MLIP: variants seen among roughly 807,000 people sequenced by gnomAD.
MLIP encodes muscular LMNA-interacting protein.
MLIP carries 79 observed loss-of-function variants against 84.8 expected under a neutral mutation model. That is an observed-to-expected ratio of 0.93 (90% CI 0.78 to 1.12). The LOEUF is 1.12. Among genes scored for constraint, MLIP ranks in the 50% most tolerant of loss-of-function variants. The probability of loss-of-function intolerance (pLI) is 0.00; values close to 1 mark genes in which losing one functional copy is unlikely to be tolerated. For synonymous variants in MLIP, 504 were observed against 463.0 expected (o/e 1.09, Z -1.14); for missense variants, 1,257 against 1,160.6 (o/e 1.08, Z -1.21).
chr6:54,157,654 C>T (rs781303033), intron 5 of MLIP, among the ~76,000 whole-genome samples: 3 of 152,152 alleles, frequency 2.0e-5, no homozygotes, highest in South Asian at 2.1e-4. Context: ...AGTTATGTAA[C>T]CTTCTATCCC....
At chr6:54,059,520 G>C (rs1305421659) in intron 1 of MLIP, among the ~76,000 whole-genome samples, 1 of 152,106 alleles carries the variant, frequency 6.6e-6, no homozygotes, top group Non-Finnish European at 1.5e-5. Context: ...ATTAAAATTT[G>C]ATGACAATTC....
chr6:54,218,295 T>C (rs994802195), intron 11 of MLIP, among the ~76,000 whole-genome samples: 1 of 152,162 alleles, frequency 6.6e-6, no homozygotes, highest in Admixed American at 6.5e-5. Context: ...CTGGAAGCAA[T>C]TGTAACACAA....
At chr6:54,083,023 G>T (rs921731278) in intron 1 of MLIP, among the ~76,000 whole-genome samples, 2 of 152,036 alleles carry the variant, frequency 1.3e-5, no homozygotes, top group African/African-American at 4.8e-5. Context: ...AACAGAAATA[G>T]AATTTTTCAT....
chr6:54,055,207 G>T (rs1765593865), intron 1 of MLIP, among the ~76,000 whole-genome samples: 1 of 151,982 alleles, frequency 6.6e-6, no homozygotes, highest in Admixed American at 6.6e-5. Context: ...TTTTTTATAT[G>T]TCTGTTTCCT....
At chr6:54,037,900 T>C (rs998380744) in intron 1 of MLIP, among the ~76,000 whole-genome samples, 1 of 152,006 alleles carries the variant, frequency 6.6e-6, no homozygotes, top group Non-Finnish European at 1.5e-5. Flanking sequence ...CTGAAATTTG[T>C]TAGTGTATTG....
At chr6:54,265,843 A>ATTT in intron 13 of MLIP, 107 bp from the exon 14 acceptor site, 1 of 1,045,428 alleles carries the variant, frequency 9.6e-7, no homozygotes, top group Non-Finnish European at 1.4e-6. Context: ...AGTATAAACC[A>ATTT]TTTTTTTGTA....
chr6:54,137,110 T>C lies in MLIP; in HGVS notation c.1041T>C (p.Ser347=), dbSNP rs1398072734. The C allele has an allele frequency of 6.5e-7, 1 of 1,536,018 alleles. No individual in the cohort carries two copies. The highest frequency in any genetic ancestry group is 1.2e-5 in the South Asian group (1 of 84,052). ...LSHGESPRTS[S]SPPSSSASLK... Reference sequence around the variant, plus strand: ...ACGGAGAAAGTCCGAGAACCTCTTCTTCTCCACCGTCCTCCAGTGCTTCTC... The same window carrying C: ...ACGGAGAAAGTCCGAGAACCTCTTCCTCTCCACCGTCCTCCAGTGCTTCTC... The change falls in exon 4 of 14, where the codon TCT becomes TCC. Residue 347 remains serine (S), a synonymous_variant. Transcript: ENST00000502396.
chr6:54,019,191 T>C (rs1249229765), intron 1 of MLIP: 2 of 1,209,172 alleles, frequency 1.7e-6, no homozygotes, highest in Non-Finnish European at 2.4e-6. Flanking sequence ...CGGCCTCTGT[T>C]TCCATGTTTT....
At chr6:54,041,757 G>A (rs190379357) in intron 1 of MLIP, among the ~76,000 whole-genome samples, 59 of 152,062 alleles carry the variant, frequency 3.9e-4, no homozygotes, top group African/African-American at 1.4e-3. Flanking sequence ...TTTGTCATTG[G>A]CAAAGTATTT....
chr6:54,148,207 G>A (rs573843385), intron 4 of MLIP, among the ~76,000 whole-genome samples: 8 of 152,232 alleles, frequency 5.3e-5, no homozygotes, highest in Admixed American at 4.6e-4. Flanking sequence ...CCTGAGACAA[G>A]GGCATCTGAA....
intron 12 of MLIP, among the ~76,000 whole-genome samples, chr6:54,235,063 G>A (rs749956506): frequency 6.6e-6 from 1 of 152,048 alleles, no homozygotes; most frequent in South Asian, 2.1e-4. Flanking sequence ...GTTCTGCACT[G>A]GCTTTTCTAC....
chr6:54,139,213 A>G (rs1772087668), intron 4 of MLIP, among the ~76,000 whole-genome samples: 2 of 152,220 alleles, frequency 1.3e-5, no homozygotes, highest in South Asian at 4.1e-4. Flanking sequence ...AGAAAAAAAT[A>G]TACACAATTT....
chr6:54,080,983 T>C (rs374306643), intron 1 of MLIP, among the ~76,000 whole-genome samples: 2 of 152,144 alleles, frequency 1.3e-5, no homozygotes, highest in Non-Finnish European at 2.9e-5. Flanking sequence ...CACAGAATTT[T>C]TTTCATGAAC....
intron 10 of MLIP, among the ~76,000 whole-genome samples, chr6:54,195,331 C>T (rs1266354915): frequency 6.6e-6 from 1 of 151,918 alleles, no homozygotes; most frequent in Non-Finnish European, 1.5e-5. Context: ...AAGCTGGCAC[C>T]CTGTCCTTTA....
At chr6:54,096,572 G>A (rs552413984) in intron 1 of MLIP, among the ~76,000 whole-genome samples, 9 of 152,206 alleles carry the variant, frequency 5.9e-5, no homozygotes, top group Non-Finnish European at 8.8e-5. Flanking sequence ...TATGGGAAGC[G>A]CTTATGGGCA....
intron 3 of MLIP, among the ~76,000 whole-genome samples, chr6:54,131,209 A>G (rs1355481408): frequency 6.6e-6 from 1 of 152,160 alleles, no homozygotes; most frequent in Non-Finnish European, 1.5e-5. Context: ...TGTCTGAGCC[A>G]TGTTCTTTGC....
chr6:54,120,649 A>G lies in MLIP; in HGVS notation c.97-798A>G, dbSNP rs759760939. Among the ~76,000 whole-genome samples, 177 of 152,140 alleles carry G rather than the reference A, an allele frequency of 1.2e-3. 1 individual carries two copies. The highest frequency in any genetic ancestry group is 3.5e-4 in the Non-Finnish European group (24 of 68,032). ...AAAGTCCAAGCTTGATACACTCTCC[A>G]CTGCTGCTACTTTCCATGCTTTCAC... On this transcript the variant is annotated intron_variant, in intron 1 of 13. Coordinates refer to ENST00000502396, the MANE Select transcript of MLIP (RefSeq NM_001281747.2).
At chr6:54,069,727 G>A (rs1159202555) in intron 1 of MLIP, among the ~76,000 whole-genome samples, 1 of 98,412 alleles carries the variant, frequency 1.0e-5, no homozygotes, top group African/African-American at 2.6e-5. Flanking sequence ...GTTGAATCCA[G>A]GGATGCAGAA....
At chr6:54,214,227 C>T (rs955902103) in intron 11 of MLIP, among the ~76,000 whole-genome samples, 1 of 152,106 alleles carries the variant, frequency 6.6e-6, no homozygotes, top group East Asian at 1.9e-4. Context: ...GTCAGAATCC[C>T]CTCCCTCTTT....
Sources: allele counts gnomAD v4.1 joint callset (sites outside exome capture counted in the v4.1 genomes callset), GRCh38; gene constraint gnomAD v4.1.1; transcripts MANE v1.5; gene names NCBI Gene and HGNC (gene_info 2026-07-23, HGNC 2026-07-21).